STPG2: variants seen among roughly 807,000 people sequenced by gnomAD.
STPG2 encodes sperm tail PG-rich repeat containing 2.
A neutral mutation model predicts 54.2 loss-of-function variants in STPG2; 56 were observed. That is an observed-to-expected ratio of 1.03 (90% CI 0.83 to 1.29). The LOEUF (loss-of-function observed/expected upper bound fraction) is 1.29, where lower values mean the gene tolerates loss of function less well. STPG2 is among the 50% of genes most tolerant of loss of function. The pLI, the probability that STPG2 is intolerant of heterozygous loss-of-function variation, is 0.00. For synonymous variants in STPG2, 200 were observed against 181.8 expected, an observed-to-expected ratio of 1.10 and a Z score of -0.81; for missense variants, 596 against 544.9, an observed-to-expected ratio of 1.09 and a Z score of -0.93.
intron 7 of STPG2, among the ~76,000 whole-genome samples, chr4:97,962,961 T>C (rs1258835980): frequency 1.3e-5 from 2 of 151,858 alleles, no homozygotes; most frequent in African/African-American, 4.8e-5. Context: ...GAGTTCGAGA[T>C]CAGCCTGACC....
intron 4 of STPG2, among the ~76,000 whole-genome samples, chr4:97,472,314 C>T (rs534563392): frequency 8.3e-4 from 126 of 152,256 alleles, no homozygotes; most frequent in Middle Eastern, 3.4e-3. Flanking sequence ...GATAAAAACT[C>T]CAGGGAGACG....
intron 10 of STPG2, among the ~76,000 whole-genome samples, chr4:97,687,063 C>T (rs1723216276): frequency 6.6e-6 from 1 of 151,658 alleles, no homozygotes; most frequent in African/African-American, 2.4e-5. Flanking sequence ...GCCTCAGCCT[C>T]CCGAGTAGCT....
At chr4:98,091,892 C>T (rs1461908726) in intron 5 of STPG2, among the ~76,000 whole-genome samples, 5 of 151,884 alleles carry the variant, frequency 3.3e-5, no homozygotes, top group Admixed American at 3.3e-4. Context: ...TATCACACAC[C>T]TAGTATGTGA....
At chr4:98,040,129 A>G (rs1056455131) in intron 5 of STPG2, among the ~76,000 whole-genome samples, 1 of 151,814 alleles carries the variant, frequency 6.6e-6, no homozygotes, top group Non-Finnish European at 1.5e-5. Context: ...CTTCTTTTGA[A>G]AAATGTCTCT....
intron 4 of STPG2, among the ~76,000 whole-genome samples, chr4:97,543,521 A>C (rs1348571075): frequency 6.6e-6 from 1 of 152,054 alleles, no homozygotes; most frequent in Non-Finnish European, 1.5e-5. Flanking sequence ...CTAAATATTA[A>C]TAAATGAAGA....
chr4:97,746,431 A>G (rs901505778), intron 9 of STPG2, among the ~76,000 whole-genome samples: 1 of 151,282 alleles, frequency 6.6e-6, no homozygotes, highest in African/African-American at 2.4e-5. Flanking sequence ...CTGACTTAAC[A>G]GTTGAATGTC....
intron 10 of STPG2, among the ~76,000 whole-genome samples, chr4:97,641,425 C>T (rs193106999): frequency 0.014 from 2,126 of 151,318 alleles, 30 homozygotes; most frequent in Non-Finnish European, 0.025. Flanking sequence ...TATGTATACT[C>T]ATGCATATAT....
At chr4:98,096,002 A>G (rs1253918017) in intron 5 of STPG2, among the ~76,000 whole-genome samples, 1 of 151,624 alleles carries the variant, frequency 6.6e-6, no homozygotes, top group Non-Finnish European at 1.5e-5. Context: ...AATAAATAAC[A>G]AGAGAAATTT....
chr4:97,606,164 T>G (rs767528142), intron 10 of STPG2, among the ~76,000 whole-genome samples: 4 of 151,900 alleles, frequency 2.6e-5, no homozygotes, highest in Admixed American at 6.6e-5. Flanking sequence ...GGGCATTTTG[T>G]GATTTTATTG....
At chr4:97,742,624 A>G (rs1013703206) in intron 9 of STPG2, among the ~76,000 whole-genome samples, 6 of 150,614 alleles carry the variant, frequency 4.0e-5, no homozygotes, top group African/African-American at 1.5e-4. Context: ...TTGCAACAAC[A>G]TGGATGAAAC....
chr4:97,637,931 C>T (rs1437647833), intron 10 of STPG2, among the ~76,000 whole-genome samples: 2 of 151,672 alleles, frequency 1.3e-5, no homozygotes, highest in Non-Finnish European at 2.9e-5. Flanking sequence ...AGGTAATTTA[C>T]AGATTCAATG....
chr4:97,531,312 C>A (rs1346323296), intron 4 of STPG2, among the ~76,000 whole-genome samples: 1 of 152,080 alleles, frequency 6.6e-6, no homozygotes, highest in African/African-American at 2.4e-5. Flanking sequence ...CCTTAAAAAA[C>A]TAAAAATAGA....
intron 9 of STPG2, among the ~76,000 whole-genome samples, chr4:97,714,773 A>G (rs933081933): frequency 3.3e-5 from 5 of 152,174 alleles, no homozygotes; most frequent in African/African-American, 9.6e-5. Flanking sequence ...GAAGCTGGGT[A>G]CATCATAATT....
chr4:98,005,285 T>A (rs574172308), intron 5 of STPG2, among the ~76,000 whole-genome samples: 21 of 152,240 alleles, frequency 1.4e-4, no homozygotes, highest in African/African-American at 3.9e-4. Context: ...GACTCAAATG[T>A]TAATCTCCTT....
chr4:97,476,927 T>A lies in STPG2; in HGVS notation c.462+235772A>T, dbSNP rs542204737. ...ACACCTGACACTTTTCCAAATGACA[T>A]CTTCAAATGGATATATCAAAAAGAC... On this transcript the variant is annotated intron_variant, in intron 4 of 4. Coordinates refer to the STPG2 transcript ENST00000522676. Among the ~76,000 whole-genome samples, 132 of 152,312 alleles carry A rather than the reference T, an allele frequency of 8.7e-4. 1 individual carries two copies. The highest frequency in any genetic ancestry group is 1.6e-3 in the Non-Finnish European group (107 of 68,026).
At chr4:97,691,462 G>A (rs1174460847) in intron 10 of STPG2, among the ~76,000 whole-genome samples, 1 of 151,896 alleles carries the variant, frequency 6.6e-6, no homozygotes, top group African/African-American at 2.4e-5. Context: ...TAATCCCCCT[G>A]GGAACATAAC....
intron 4 of STPG2, among the ~76,000 whole-genome samples, chr4:97,459,548 T>G (rs1031064794): frequency 6.6e-6 from 1 of 151,060 alleles, no homozygotes; most frequent in Non-Finnish European, 1.5e-5. Flanking sequence ...CACGCCATTC[T>G]CCTGCCTCAG....
intron 4 of STPG2, among the ~76,000 whole-genome samples, chr4:97,484,137 C>A (rs570556729): frequency 6.6e-6 from 1 of 151,482 alleles, no homozygotes; most frequent in African/African-American, 2.4e-5. Context: ...AGAGCACAGA[C>A]ATTCTAAGGT....
At chr4:98,080,431 T>C (rs1738308446) in intron 5 of STPG2, among the ~76,000 whole-genome samples, 1 of 152,132 alleles carries the variant, frequency 6.6e-6, no homozygotes, top group Non-Finnish European at 1.5e-5. Flanking sequence ...GATAACCTAT[T>C]GTTGCTTCAG....
Sources: allele counts gnomAD v4.1 joint callset (sites outside exome capture counted in the v4.1 genomes callset), GRCh38; gene constraint gnomAD v4.1.1; transcripts MANE v1.5; gene names NCBI Gene and HGNC (gene_info 2026-07-23, HGNC 2026-07-21).